Variants in FBH1 observed in about 807,000 individuals in gnomAD.
The protein encoded by FBH1 is DNA 3'-5' helicase 1.
FBH1 carries 43 observed loss-of-function variants against 115.5 expected under a neutral mutation model. The ratio of observed to expected loss-of-function variants is 0.37; its 90% CI spans 0.29 to 0.48. The LOEUF (loss-of-function observed/expected upper bound fraction) is 0.48, where lower values mean the gene tolerates loss of function less well. FBH1 is among the 20% of genes least tolerant of loss of function. The pLI is 0.99. For missense variants in FBH1, 1,001 were observed against 1,337.3 expected (o/e 0.75, Z 3.92); for synonymous variants, 524 against 507.8 (o/e 1.03, Z -0.43).
rs975018907 is a variant in FBH1 at position 5,917,180 on chromosome 10, GT to G, written c.1789-238del. On this transcript the variant is annotated intron_variant, in intron 10 of 20. Coordinates refer to ENST00000362091, the MANE Select transcript of FBH1 (RefSeq NM_178150.3). The surrounding 1 kb of genome is among the most constrained non-coding windows in gnomAD (Gnocchi z 5.6). ...TTGGCCTTTTCTGGTTCACCTAACT[GT>G]TATGATCTCTGTCCTGTCACGGGCA... 1.8e-6 allele frequency: 1 copy of G among 541,326 alleles called. No homozygotes were observed. Among genetic ancestry groups the G allele is most frequent in the Admixed American group, 3.1e-5 (1 of 32,040 alleles). 33.5% of individuals were successfully genotyped at this position (541,326 alleles called of 1,614,324 possible).
In FBH1 at chr10:5,917,322, C is replaced by T. The variant is rs1470216673; in HGVS notation, c.1789-98C>T. 1 of 981,272 alleles carries T rather than the reference C, an allele frequency of 1.0e-6. No homozygotes were observed. Among genetic ancestry groups the T allele is most frequent in the Non-Finnish European group, 1.6e-6 (1 of 626,702 alleles). The allele number at this position is 981,272 out of a possible 1,614,324, so 60.8% of individuals were successfully genotyped here. Reference sequence around the variant, plus strand: ...TGCGGTCCCCCTTCTGTGAGGATGCCCTGGCTCCACTGCTGTATGGGAGTT... The same window carrying T: ...TGCGGTCCCCCTTCTGTGAGGATGCTCTGGCTCCACTGCTGTATGGGAGTT... On this transcript the variant is annotated intron_variant, in intron 10 of 20. Coordinates refer to ENST00000362091, the MANE Select transcript of FBH1 (RefSeq NM_178150.3). This position sits in a 1 kb window ranked among gnomAD's most constrained non-coding sequence, Gnocchi z 5.6.
At chr10:5,926,214 G>A (rs923283521) in intron 18 of FBH1, among the ~76,000 whole-genome samples, 1 of 152,074 alleles carries the variant, frequency 6.6e-6, no homozygotes, top group Non-Finnish European at 1.5e-5. Context: ...TCCACCTCCC[G>A]GGTTCAAGTG....
At position 5,906,848 on chromosome 10, in the gene FBH1, T is replaced by C. The variant is rs1000675193; in HGVS notation, c.753+216T>C. Among the ~76,000 whole-genome samples the C allele has an allele frequency of 2.6e-5, 4 of 152,220 alleles. No homozygotes were observed. The highest frequency in any genetic ancestry group is 7.2e-5 in the African/African-American group (3 of 41,458). On this transcript the variant is annotated intron_variant, in intron 3 of 20. Transcript: ENST00000362091. This position sits in a 1 kb window ranked among gnomAD's most constrained non-coding sequence, Gnocchi z 7.3. Reference sequence around the variant, plus strand: ...CACTCAACACAGCTTCCCTGAGTTCTGTCTACAGCTCATCTGCTGTGCCCT... The same window carrying C: ...CACTCAACACAGCTTCCCTGAGTTCCGTCTACAGCTCATCTGCTGTGCCCT...
In FBH1 at chr10:5,900,687, T is replaced by G. The variant is rs1453533924; in HGVS notation, c.2-2333T>G. Among the ~76,000 whole-genome samples, 6 of 152,192 alleles carry G rather than the reference T, an allele frequency of 3.9e-5. No homozygotes were observed. The South Asian group carries it at 1.2e-3, about 32-fold the overall frequency. On this transcript the variant is annotated intron_variant, in intron 1 of 20. Coordinates refer to ENST00000362091, the MANE Select transcript of FBH1 (RefSeq NM_178150.3). This position sits in a 1 kb window ranked among gnomAD's most constrained non-coding sequence, Gnocchi z 4.2. Reference sequence around the variant, plus strand: ...AAGCTGGTATTAAACCTTGAAAAAGTTAACTGAAATTTGGAAGGGTGATTT... The same window carrying G: ...AAGCTGGTATTAAACCTTGAAAAAGGTAACTGAAATTTGGAAGGGTGATTT...
chr10:5,917,527 C>T lies in FBH1; in HGVS notation c.1876+20C>T, dbSNP rs372481305. 24 of 1,613,558 alleles carry T rather than the reference C, an allele frequency of 1.5e-5. No individual in the cohort carries two copies. The highest frequency in any genetic ancestry group is 2.2e-5 in the East Asian group (1 of 44,888). On this transcript the variant is annotated intron_variant, in intron 11 of 20. Transcript: ENST00000362091. This position sits in a 1 kb window ranked among gnomAD's most constrained non-coding sequence, Gnocchi z 5.6. Reference sequence around the variant, plus strand: ...ATGACGGTAGGCGGCTGCCGAATGGCGGGGACTGGCCAATGGGACTGCCTT... The same window carrying T: ...ATGACGGTAGGCGGCTGCCGAATGGTGGGGACTGGCCAATGGGACTGCCTT...
rs1831823107 is a variant in FBH1 at position 5,914,785 on chromosome 10, T to C, written c.1396+516T>C. Among the ~76,000 whole-genome samples the C allele has an allele frequency of 6.6e-6, 1 of 152,224 alleles. No homozygotes were observed. The highest frequency in any genetic ancestry group is 2.4e-5 in the African/African-American group (1 of 41,456). ...TCATCACAGCCTTTGCTCGTGCTAT[T>C]TGCTATTTTTTTTCTGCCTGTAATC... is the stretch of plus-strand genomic sequence containing the variant. On this transcript the variant is annotated intron_variant, in intron 8 of 20. Coordinates refer to ENST00000362091, the MANE Select transcript of FBH1 (RefSeq NM_178150.3). This position sits in a 1 kb window ranked among gnomAD's most constrained non-coding sequence, Gnocchi z 5.2.
In FBH1 at chr10:5,918,587, C is replaced by T. The variant is rs1832122829; in HGVS notation, c.2100+109C>T. 3.7e-6 allele frequency: 5 copies of T among 1,344,004 alleles called. No homozygotes were observed. The highest frequency in any genetic ancestry group is 1.5e-5 in the African/African-American group (1 of 66,406). 83.3% of individuals were successfully genotyped at this position (1,344,004 alleles called of 1,614,324 possible). A position where few individuals can be genotyped will look rare whatever the true frequency, so the allele number is the denominator to read the frequency against. On this transcript the variant is annotated intron_variant, in intron 13 of 20. Coordinates refer to ENST00000362091, the MANE Select transcript of FBH1 (RefSeq NM_178150.3). This position sits in a 1 kb window ranked among gnomAD's most constrained non-coding sequence, Gnocchi z 4.0. ...GCTCACCAGATCTAGCAAATCCTTG[C>T]TTCTAAGCCATGGTTCTCAAAGTGT...
chr10:5,895,240 C>T lies in FBH1; in HGVS notation c.1+4894C>T. ...GGCGGTTAGCTGACTCCAAAATTGT[C>T]CAGATTAGCAAAACTGCCCTCTGTG... On this transcript the variant is annotated intron_variant, in intron 1 of 20. Coordinates refer to ENST00000362091, the MANE Select transcript of FBH1 (RefSeq NM_178150.3). This position sits in a 1 kb window ranked among gnomAD's most constrained non-coding sequence, Gnocchi z 5.0. 1 of 1,566,208 alleles carries T rather than the reference C, an allele frequency of 6.4e-7. No homozygotes were observed. Among genetic ancestry groups the T allele is most frequent in the Non-Finnish European group, 8.7e-7 (1 of 1,151,348 alleles).
In FBH1 at chr10:5,924,555, G is replaced by C; in HGVS notation, c.2596+47G>C. ...TACCTTCCCCCTAAGAGGAGGAACA[G>C]ATGGTCTTCTGCTGTTCTTTTTTTT... On this transcript the variant is annotated intron_variant, in intron 17 of 20. Transcript: ENST00000362091. The surrounding 1 kb of genome is among the most constrained non-coding windows in gnomAD (Gnocchi z 6.2). The C allele has an allele frequency of 2.6e-6, 4 of 1,558,992 alleles. No homozygotes were observed. The highest frequency in any genetic ancestry group is 3.5e-6 in the Non-Finnish European group (4 of 1,134,024).
intron 3 of FBH1, 113 bp from the exon 4 acceptor site, chr10:5,908,812 T>C (rs1831372562): frequency 3.3e-6 from 4 of 1,200,812 alleles, no homozygotes; most frequent in Non-Finnish European, 1.2e-6. Flanking sequence ...GGCTTCACCA[T>C]GTTGGCCATG....
intron 2 of FBH1, among the ~76,000 whole-genome samples, chr10:5,903,392 G>A (rs1434757440): frequency 2.0e-5 from 3 of 150,274 alleles, no homozygotes; most frequent in East Asian, 3.9e-4. Context: ...GTGCAATGGC[G>A]CAATCTCGGC....
At chr10:5,889,996 G>A (rs1258511185), upstream of FBH1, 1 of 233,832 alleles carries the variant, frequency 4.3e-6, no homozygotes, top group Non-Finnish European at 8.3e-6. Flanking sequence ...AGGAACTCTG[G>A]GAAAGTTTCC....
Position 5,915,530 on chromosome 10 carries a change from C to T in FBH1, c.1524C>T (p.Cys508=). ...AERVFPSNVI[C]KTFHSMAYGH... Reference sequence around the variant, plus strand: ...GCGTCTTCCCCAGCAACGTCATCTGCAAAACCTTCCACTCCATGGCCTACG... The same window carrying T: ...GCGTCTTCCCCAGCAACGTCATCTGTAAAACCTTCCACTCCATGGCCTACG... Residue 508 remains cysteine (C), a synonymous_variant, in exon 9 of 21, where the codon TGC becomes TGT. Coordinates refer to ENST00000362091, the MANE Select transcript of FBH1 (RefSeq NM_178150.3). The surrounding 1 kb of genome is among the most constrained non-coding windows in gnomAD (Gnocchi z 5.2). The T allele has an allele frequency of 6.2e-7, 1 of 1,614,258 alleles. No individual in the cohort carries two copies. The highest frequency in any genetic ancestry group is 8.5e-7 in the Non-Finnish European group (1 of 1,180,038).
At chr10:5,890,418 T>G in intron 1 of FBH1, 72 bp downstream of exon 1, 1 of 352,854 alleles carries the variant, frequency 2.8e-6, no homozygotes, top group Non-Finnish European at 5.3e-6. Flanking sequence ...ACCTCCGGGG[T>G]CCTGCGCGGG....
chr10:5,929,459 C>G (rs1832847405), intron 19 of FBH1: 1 of 152,172 alleles, frequency 6.6e-6, no homozygotes, highest in South Asian at 2.1e-4. Context: ...AGCTTTTCAC[C>G]TGGGCTTCAC....
chr10:5,929,470 C>T (rs1832848666), intron 19 of FBH1: 1 of 152,200 alleles, frequency 6.6e-6, no homozygotes, highest in South Asian at 2.1e-4. Flanking sequence ...TGGGCTTCAC[C>T]GAGTGCAACA....
At chr10:5,922,719 G>C (rs1040371755) in intron 15 of FBH1, among the ~76,000 whole-genome samples, 5 of 152,150 alleles carry the variant, frequency 3.3e-5, no homozygotes, top group Admixed American at 6.5e-5. Context: ...TGGGGCCCTG[G>C]TTGTGTCTGT....
In FBH1 at chr10:5,923,270, T is replaced by G. The variant is rs1235868633; in HGVS notation, c.2323-351T>G. On this transcript the variant is annotated intron_variant, in intron 15 of 20. Coordinates refer to ENST00000362091, the MANE Select transcript of FBH1 (RefSeq NM_178150.3). This position sits in a 1 kb window ranked among gnomAD's most constrained non-coding sequence, Gnocchi z 5.7. ...GCCATTTGTGTTCTTTGGAATCGTC[T>G]TATGTTCTTGGAAGATGCTTAAATT... Among the ~76,000 whole-genome samples, 1 of 152,244 alleles carries G rather than the reference T, an allele frequency of 6.6e-6. No homozygotes were observed. The highest frequency in any genetic ancestry group is 1.5e-5 in the Non-Finnish European group (1 of 68,042).
In FBH1 at chr10:5,911,766, A is replaced by G. The variant is rs1377596850; in HGVS notation, c.1211+638A>G. Among the ~76,000 whole-genome samples the G allele has an allele frequency of 6.6e-6, 1 of 152,190 alleles. No homozygotes were observed. Among genetic ancestry groups the G allele is most frequent in the African/African-American group, 2.4e-5 (1 of 41,434 alleles). On this transcript the variant is annotated intron_variant, in intron 6 of 20. Coordinates refer to ENST00000362091, the MANE Select transcript of FBH1 (RefSeq NM_178150.3). This position sits in a 1 kb window ranked among gnomAD's most constrained non-coding sequence, Gnocchi z 5.4. ...GTGTGAAATGGCATTTTAGTGAGTA[A>G]TGAGCATTGCAGAGAAAATAGAACA... is the stretch of plus-strand genomic sequence containing the variant.
Sources: gnomAD v4.1 joint callset for allele counts (sites outside exome capture counted in the v4.1 genomes callset) on GRCh38, gnomAD v4.1.1 for gene constraint, Gnocchi (gnomAD v3.1) non-coding constraint, MANE v1.5 for transcripts, NCBI Gene and HGNC (gene_info 2026-07-23, HGNC 2026-07-21) for gene names.